The following ID2 variants were observed in gnomAD, a reference collection of about 807,000 sequenced individuals.
ID2 encodes inhibitor of DNA binding 2.
A neutral mutation model predicts 8.3 loss-of-function variants in ID2; 2 were observed. That is an observed-to-expected ratio of 0.24 (90% confidence interval 0.10 to 0.76). ID2 has a LOEUF of 0.76. ID2 is among the 30% of genes least tolerant of loss of function. The pLI, the probability that ID2 is intolerant of heterozygous loss-of-function variation, is 0.73. For synonymous variants in ID2, 112 were observed against 72.3 expected (o/e 1.55, Z -2.79); for missense variants, 155 against 167.0 (o/e 0.93, Z 0.40).
At position 8,682,165 on chromosome 2, in the gene ID2, C is replaced by T. The variant is rs754529022; in HGVS notation, c.-1C>T. 5.6e-6 allele frequency: 9 copies of T among 1,611,774 alleles called. No homozygotes were observed. Among genetic ancestry groups the T allele is most frequent in the East Asian group, 4.5e-5 (2 of 44,866 alleles). ...CGGTCTCGCCTTCCCTCGCGGTCAGCATGAAAGCCTTCAGTCCCGTGAGGT... is the reference window on the plus strand; with the variant it reads ...CGGTCTCGCCTTCCCTCGCGGTCAGTATGAAAGCCTTCAGTCCCGTGAGGT... On this transcript the variant is annotated 5_prime_UTR_variant, in exon 1 of 3. Coordinates refer to ENST00000396290, the MANE Select transcript of ID2 (RefSeq NM_002166.5).
At position 8,682,083 on chromosome 2, in the gene ID2, C is replaced by G. The variant is rs888815583; in HGVS notation, c.-83C>G. The G allele has an allele frequency of 2.6e-6, 3 of 1,135,786 alleles. No individual in the cohort carries two copies. The highest frequency in any genetic ancestry group is 2.7e-5 in the South Asian group (2 of 73,350). 70.4% of individuals were successfully genotyped at this position (1,135,786 alleles called of 1,614,324 possible). On this transcript the variant is annotated 5_prime_UTR_variant, in exon 1 of 3. Transcript: ENST00000396290. Reference sequence around the variant, plus strand: ...TCTGAGCCGAGCCCGGTGCCAAGCGCAGCTAGCTCAGCAGGCGGCAGCGGC... The same window carrying G: ...TCTGAGCCGAGCCCGGTGCCAAGCGGAGCTAGCTCAGCAGGCGGCAGCGGC...
In ID2 at chr2:8,682,835, C is replaced by G; in HGVS notation, c.349-8C>G. Reference sequence around the variant, plus strand: ...TAACCTCGTACTCTTTATCCTCTTTCTTTCCAGGCTTCTGAATTCCCTTCT... The same window carrying G: ...TAACCTCGTACTCTTTATCCTCTTTGTTTCCAGGCTTCTGAATTCCCTTCT... On this transcript the variant is annotated splice_region_variant and splice_polypyrimidine_tract_variant and intron_variant, in intron 1 of 2. Transcript: ENST00000396290. 1 of 1,589,288 alleles carries G rather than the reference C, an allele frequency of 6.3e-7. No individual in the cohort carries two copies. The highest frequency in any genetic ancestry group is 8.6e-7 in the Non-Finnish European group (1 of 1,160,954).
chr2:8,683,253 CG>C (rs969426577), intron 2 of ID2, among the ~76,000 whole-genome samples: 6 of 152,170 alleles, frequency 3.9e-5, no homozygotes, highest in African/African-American at 1.4e-4. Flanking sequence ...TTAATCTTAC[CG>C]CCACAAATTC....
Position 8,682,843 on chromosome 2 carries a change from G to T in ID2, c.349G>T (p.Ala117Ser). The T allele has an allele frequency of 6.2e-7, 1 of 1,611,272 alleles. No homozygotes were observed. The highest frequency in any genetic ancestry group is 8.5e-7 in the Non-Finnish European group (1 of 1,177,806). The stretch of plus-strand genomic sequence containing the variant: ...TACTCTTTATCCTCTTTCTTTCCAG[G>T]CTTCTGAATTCCCTTCTGAGTTAAT... ...NTDISILSLQ[A>S]SEFPSELMSN... Residue 117 changes from alanine (A) to serine (S), a missense_variant and splice_region_variant, in exon 2 of 3, where the codon GCT (alanine) becomes TCT (serine). Transcript: ENST00000396290.
chr2:8,682,989 C>T, intron 2 of ID2, 83 bp downstream of exon 2: 2 of 1,001,544 alleles, frequency 2.0e-6, no homozygotes, highest in Non-Finnish European at 3.2e-6. Flanking sequence ...GCTTGTGTAT[C>T]TATAAAATGT....
In ID2 at chr2:8,682,581, G is replaced by A; in HGVS notation, c.348+68G>A. The A allele has an allele frequency of 4.4e-6, 5 of 1,145,288 alleles. No individual in the cohort carries two copies. The South Asian group carries it at 6.6e-5, about 15-fold the overall frequency. 70.9% of individuals were successfully genotyped at this position (1,145,288 alleles called of 1,614,324 possible). A position where few individuals can be genotyped will look rare whatever the true frequency, so the allele number is the denominator to read the frequency against. On this transcript the variant is annotated intron_variant, in intron 1 of 2. Transcript: ENST00000396290. ...CCGCGGTCGTCTGGGCTGTCACTAG[G>A]AGATCCGTAGCCCAGACGGTGACTT...
chr2:8,682,632 TC>T, intron 1 of ID2, 119 bp downstream of exon 1: 1 of 761,858 alleles, frequency 1.3e-6, no homozygotes, highest in Non-Finnish European at 2.1e-6. Flanking sequence ...AACTTTATTT[TC>T]TTCAGAATCT....
intron 1 of ID2, 89 bp downstream of exon 1, chr2:8,682,602 G>C: frequency 1.0e-6 from 1 of 952,872 alleles, no homozygotes; most frequent in Non-Finnish European, 1.6e-6. Flanking sequence ...CCCAGACGGT[G>C]ACTTTCGTAT....
At position 8,682,150 on chromosome 2, in the gene ID2, T is replaced by C; in HGVS notation, c.-16T>C. The C allele has an allele frequency of 6.2e-7, 1 of 1,604,876 alleles. No homozygotes were observed. The highest frequency in any genetic ancestry group is 2.2e-5 in the East Asian group (1 of 44,798). ...CAGCCAGCTCCCTCCCGGTCTCGCC[T>C]TCCCTCGCGGTCAGCATGAAAGCCT... is the stretch of plus-strand genomic sequence containing the variant. On this transcript the variant is annotated 5_prime_UTR_variant, in exon 1 of 3. Transcript: ENST00000396290.
rs1451494447 is a variant in ID2 at position 8,684,179 on chromosome 2, A to C, written c.*502A>C. On this transcript the variant is annotated 3_prime_UTR_variant, in exon 3 of 3. Transcript: ENST00000396290. ...GAAACCTTGTGAACTCTTTAATTAG[A>C]GTTTTCTTGTATAGTGGCAGAGATG... The C allele has an allele frequency of 6.6e-6, 1 of 152,262 alleles. No homozygotes were observed. Among genetic ancestry groups the C allele is most frequent in the Non-Finnish European group, 1.5e-5 (1 of 68,018 alleles). 9.4% of individuals were successfully genotyped at this position (152,262 alleles called of 1,614,324 possible).
chr2:8,682,123 G>C lies in ID2; in HGVS notation c.-43G>C, dbSNP rs1662090976. On this transcript the variant is annotated 5_prime_UTR_variant, in exon 1 of 3. Coordinates refer to ENST00000396290, the MANE Select transcript of ID2 (RefSeq NM_002166.5). ...GCGGCAGCGGCGGCCTGAGCTTCAG[G>C]GCAGCCAGCTCCCTCCCGGTCTCGC... is the stretch of plus-strand genomic sequence containing the variant. 6.5e-7 allele frequency: 1 copy of C among 1,531,524 alleles called. No homozygotes were observed. The highest frequency in any genetic ancestry group is 1.4e-5 in the African/African-American group (1 of 73,224). 94.9% of individuals were successfully genotyped at this position (1,531,524 alleles called of 1,614,324 possible).
At chr2:8,683,053 C>G in intron 2 of ID2, 147 bp downstream of exon 2, 1 of 681,170 alleles carries the variant, frequency 1.5e-6, no homozygotes, top group Non-Finnish European at 2.7e-6. Flanking sequence ...TACATTGTCT[C>G]ACTAGACATG....
intron 1 of ID2, 161 bp from the exon 2 acceptor site, chr2:8,682,682 C>A (rs1662115043): frequency 1.4e-6 from 1 of 723,176 alleles, no homozygotes; most frequent in Non-Finnish European, 2.3e-6. Flanking sequence ...CTAGTAAGTT[C>A]TGACATGTTA....
intron 2 of ID2, 187 bp downstream of exon 2, chr2:8,683,093 T>C (rs1662136152): frequency 1.6e-6 from 1 of 608,148 alleles, no homozygotes; most frequent in African/African-American, 1.9e-5. Context: ...GTGCTCGAGA[T>C]CACAGAACAT....
intron 2 of ID2, chr2:8,683,144 G>T: frequency 1.8e-6 from 1 of 560,032 alleles, no homozygotes; most frequent in Non-Finnish European, 3.2e-6. Flanking sequence ...TTACTACGAA[G>T]GCGGCCGAGG....
Position 8,682,303 on chromosome 2 carries a change from C to G in ID2, c.138C>G (p.Leu46=). The stretch of plus-strand genomic sequence containing the variant: ...ACATGAACGACTGCTACTCCAAGCT[C>G]AAGGAGCTGGTGCCCAGCATCCCCC... ...LYNMNDCYSK[L]KELVPSIPQN... is the part of the protein sequence containing the mutation. Residue 46 remains leucine (L), a synonymous_variant, in exon 1 of 3, where the codon CTC becomes CTG. Coordinates refer to ENST00000396290, the MANE Select transcript of ID2 (RefSeq NM_002166.5). 6.2e-7 allele frequency: 1 copy of G among 1,614,146 alleles called. No individual in the cohort carries two copies. The highest frequency in any genetic ancestry group is 8.5e-7 in the Non-Finnish European group (1 of 1,180,034).
rs1455014950 is a variant in ID2 at position 8,682,372 on chromosome 2, C to T, written c.207C>T (p.Ile69=). The T allele has an allele frequency of 3.1e-6, 5 of 1,613,878 alleles. No individual in the cohort carries two copies. The highest frequency in any genetic ancestry group is 3.3e-5 in the Admixed American group (2 of 60,012). The change falls in exon 1 of 3, where the codon ATC becomes ATT. Residue 69 remains isoleucine (I), a synonymous_variant. Coordinates refer to ENST00000396290, the MANE Select transcript of ID2 (RefSeq NM_002166.5). ...AGATGGAAATCCTGCAGCACGTCAT[C>T]GACTACATCTTGGACCTGCAGATCG... ...VSKMEILQHV[I]DYILDLQIAL...
rs560621744 is a variant in ID2, at chr2:8,682,306, G to A, written c.141G>A (p.Lys47=). Residue 47 remains lysine (K), a synonymous_variant, in exon 1 of 3, where the codon AAG becomes AAA. Transcript: ENST00000396290. ...YNMNDCYSKL[K]ELVPSIPQNK... ...TGAACGACTGCTACTCCAAGCTCAA[G>A]GAGCTGGTGCCCAGCATCCCCCAGA... 34 of 1,614,146 alleles carry A rather than the reference G, an allele frequency of 2.1e-5. No homozygotes were observed. In the South Asian group the frequency reaches 3.0e-4, roughly 14 times the overall value.
intron 1 of ID2, 81 bp from the exon 2 acceptor site, chr2:8,682,762 C>CAAAAAA: frequency 1.3e-5 from 10 of 742,008 alleles, no homozygotes; most frequent in South Asian, 1.6e-5. Flanking sequence ...CTGTGGACTA[C>CAAAAAA]AAAAAAAAAA....
Sources: gnomAD v4.1 joint callset for allele counts (sites outside exome capture counted in the v4.1 genomes callset) on GRCh38, gnomAD v4.1.1 for gene constraint, MANE v1.5 for transcripts, NCBI Gene and HGNC (gene_info 2026-07-23, HGNC 2026-07-21) for gene names.